The following ACAN variants were observed in gnomAD, a reference collection of about 807,000 sequenced individuals.
ACAN encodes aggrecan.
Under a neutral mutation model 169.1 loss-of-function variants are expected in ACAN, and 47 were observed. The observed-to-expected ratio is 0.28, with a 90% CI of 0.22 to 0.35. ACAN has a LOEUF of 0.35. Ranked by LOEUF, ACAN falls within the 10% of genes least tolerant of loss-of-function variation. The pLI is 1.00. For missense variants in ACAN, 2,716 were observed against 2,759.9 expected (o/e 0.98, Z 0.36); for synonymous variants, 1,115 against 1,112.2 (o/e 1.00, Z -0.05).
At chr15:88,854,653 ACTTC>A (rs1053447261) in intron 11 of ACAN, among the ~76,000 whole-genome samples, 195 bp from the exon 12 acceptor site, 2 of 151,148 alleles carry the variant, frequency 1.3e-5, no homozygotes, top group Non-Finnish European at 3.0e-5. Flanking sequence ...TTCTCCCTAT[ACTTC>A]CTTCCTTCCT....
In ACAN at chr15:88,843,181, A is replaced by G. The variant is rs1302501380; in HGVS notation, c.758-174A>G. Among the ~76,000 whole-genome samples the G allele has an allele frequency of 6.6e-6, 1 of 152,200 alleles. No individual in the cohort carries two copies. Among genetic ancestry groups the G allele is most frequent in the Non-Finnish European group, 1.5e-5 (1 of 68,038 alleles). ...TAGGAAATTGATGTCATCCTACACA[A>G]AAGCCCAGAAATAAGCAATGAAGGG... On this transcript the variant is annotated intron_variant, in intron 5 of 18. Transcript: ENST00000560601. This position sits in a 1 kb window ranked among gnomAD's most constrained non-coding sequence, Gnocchi z 4.0.
chr15:88,847,665 C>G (rs1294252884), intron 8 of ACAN, among the ~76,000 whole-genome samples: 1 of 152,220 alleles, frequency 6.6e-6, no homozygotes, highest in African/African-American at 2.4e-5. Flanking sequence ...TCCCCTCCAG[C>G]CTGACCCAGT....
chr15:88,818,155 G>T (rs1049342328), intron 1 of ACAN, among the ~76,000 whole-genome samples: 6 of 152,212 alleles, frequency 3.9e-5, no homozygotes, highest in Non-Finnish European at 8.8e-5. Flanking sequence ...AGAAAAGATG[G>T]GATAGAAGTT....
chr15:88,854,736 G>C (rs1289172894), intron 11 of ACAN, 116 bp from the exon 12 acceptor site: 1 of 1,194,512 alleles, frequency 8.4e-7, no homozygotes, highest in African/African-American at 1.6e-5. Flanking sequence ...ACGTTGCTGA[G>C]CTCTTGAGAG....
intron 13 of ACAN, among the ~76,000 whole-genome samples, chr15:88,860,993 C>T (rs978759592): frequency 1.3e-5 from 2 of 152,150 alleles, no homozygotes; most frequent in African/African-American, 4.8e-5. Context: ...TCTGCCCAGG[C>T]ACCCACCATG....
At chr15:88,823,689 C>G (rs1262551348) in intron 1 of ACAN, among the ~76,000 whole-genome samples, 1 of 152,164 alleles carries the variant, frequency 6.6e-6, no homozygotes, top group Non-Finnish European at 1.5e-5. Context: ...ACTGGCCTTC[C>G]TTTCCGGTAC....
chr15:88,859,524 C>A, intron 12 of ACAN, 107 bp downstream of exon 12: 1 of 1,468,358 alleles, frequency 6.8e-7, no homozygotes, highest in Non-Finnish European at 9.3e-7. Flanking sequence ...AACAACTCCA[C>A]CAAAGGTTAG....
chr15:88,856,939 C>T lies in ACAN; in HGVS notation c.4354C>T (p.Pro1452Ser), dbSNP rs1199278824. ...APGVEEISGL[P>S]SGEVLETSTS... ...TGGAGTAGAGGAGATCAGCGGGCTT[C>T]CTTCTGGAGAAGTTCTAGAGACTTC... The change falls in exon 12 of 19, where the codon CCT becomes TCT. Residue 1452 changes from proline (P) to serine (S), a missense_variant. Physicochemically the swap from Pro to Ser is moderately conservative, Grantham distance 74. Around this residue, in one of 3 missense-constraint regions of ACAN, gnomAD observed 1,389 missense variants for 1,363.7 expected, o/e 1.02. Coordinates refer to ENST00000560601, the MANE Select transcript of ACAN (RefSeq NM_001369268.1). The T allele has an allele frequency of 3.1e-6, 5 of 1,613,242 alleles. No homozygotes were observed. The highest frequency in any genetic ancestry group is 1.7e-4 in the Middle Eastern group (1 of 5,934).
rs1470018821 is a variant in ACAN at position 88,849,907 on chromosome 15, G to C, written c.2026+176G>C. 1.1e-6 allele frequency: 1 copy of C among 897,456 alleles called. No individual in the cohort carries two copies. The highest frequency in any genetic ancestry group is 1.8e-6 in the Non-Finnish European group (1 of 562,956). The allele number at this position is 897,456 out of a possible 1,614,324, so 55.6% of individuals were successfully genotyped here. A position where few individuals can be genotyped will look rare whatever the true frequency, so the allele number is the denominator to read the frequency against. ...ACGCAGGCTTTGACCCCAAGGCAAGGTCATCCTTCTAAAGTTCCCCAGAGA... is the reference window on the plus strand; with the variant it reads ...ACGCAGGCTTTGACCCCAAGGCAAGCTCATCCTTCTAAAGTTCCCCAGAGA... On this transcript the variant is annotated intron_variant, in intron 10 of 18. Transcript: ENST00000560601. This position sits in a 1 kb window ranked among gnomAD's most constrained non-coding sequence, Gnocchi z 5.1.
intron 9 of ACAN, among the ~76,000 whole-genome samples, chr15:88,848,996 T>A (rs188136660): frequency 2.0e-3 from 309 of 152,090 alleles, no homozygotes; most frequent in Non-Finnish European, 2.6e-3. Flanking sequence ...GTTCCCAGGG[T>A]GTGGGGTGAG....
Position 88,874,475 on chromosome 15 carries a change from C to CCA in ACAN, c.7703_7704dup (p.Ter2569ThrfsTer41), listed in dbSNP as rs1302426886. On this transcript the variant is annotated frameshift_variant, in exon 19 of 19. Transcript: ENST00000560601. LOFTEE classifies it high-confidence loss of function. The surrounding 1 kb of genome is among the most constrained non-coding windows in gnomAD (Gnocchi z 7.3). ...CTCGGAGGAGCCGCCCCAGCACAGC[C>CCA]CACTGAGAAGAGCTTCCAGGACGCA... The CCA allele has an allele frequency of 3.1e-6, 5 of 1,601,232 alleles. No homozygotes were observed. The highest frequency in any genetic ancestry group is 3.4e-5 in the Admixed American group (2 of 58,130).
chr15:88,840,476 C>G (rs1045708847), intron 4 of ACAN, among the ~76,000 whole-genome samples: 15 of 152,290 alleles, frequency 9.8e-5, no homozygotes, highest in African/African-American at 3.6e-4. Flanking sequence ...GATTTCCTCA[C>G]GTTTAAACTT....
intron 1 of ACAN, among the ~76,000 whole-genome samples, chr15:88,824,973 G>A (rs1182270189): frequency 6.6e-6 from 1 of 152,124 alleles, no homozygotes; most frequent in Non-Finnish European, 1.5e-5. Context: ...TCAAGGAAGG[G>A]ACATTTAAAC....
chr15:88,807,425 C>T lies in ACAN; in HGVS notation c.-8+3616C>T, dbSNP rs920231319. The stretch of plus-strand genomic sequence containing the variant: ...CCGCCCTGATAACTTAAAGGAAGCC[C>T]CTTCAATGGGATGAAGGGCCCGTTT... On this transcript the variant is annotated intron_variant, in intron 1 of 18. Transcript: ENST00000560601. The surrounding 1 kb of genome is among the most constrained non-coding windows in gnomAD (Gnocchi z 4.0). Among the ~76,000 whole-genome samples, 3 of 152,168 alleles carry T rather than the reference C, an allele frequency of 2.0e-5. No individual in the cohort carries two copies. Among genetic ancestry groups the T allele is most frequent in the African/African-American group, 4.8e-5 (2 of 41,426 alleles).
chr15:88,812,506 C>T (rs1895845281), intron 1 of ACAN, among the ~76,000 whole-genome samples: 1 of 152,182 alleles, frequency 6.6e-6, no homozygotes, highest in East Asian at 1.9e-4. Flanking sequence ...GGTATCCCCT[C>T]CTCCTCACAT....
chr15:88,849,428 C>T lies in ACAN; in HGVS notation c.1733-10C>T, dbSNP rs755506979. On this transcript the variant is annotated splice_polypyrimidine_tract_variant and intron_variant, in intron 9 of 18. Coordinates refer to ENST00000560601, the MANE Select transcript of ACAN (RefSeq NM_001369268.1). The surrounding 1 kb of genome is among the most constrained non-coding windows in gnomAD (Gnocchi z 5.1). The stretch of plus-strand genomic sequence containing the variant: ...GGGGGTCATATTCTACCCCTTGCCT[C>T]TGCCCCCAGGGGAGGTGTTCTTCGC... 7 of 1,570,636 alleles carry T rather than the reference C, an allele frequency of 4.5e-6. No homozygotes were observed. Among genetic ancestry groups the T allele is most frequent in the Non-Finnish European group, 6.1e-6 (7 of 1,155,090 alleles).
chr15:88,872,801 C>T lies in ACAN; in HGVS notation c.7303-80C>T. On this transcript the variant is annotated intron_variant, in intron 16 of 18. Coordinates refer to ENST00000560601, the MANE Select transcript of ACAN (RefSeq NM_001369268.1). This position sits in a 1 kb window ranked among gnomAD's most constrained non-coding sequence, Gnocchi z 5.4. ...AAAGAGAAAGGAGATGATGAAGAGG[C>T]TCCACGGGGAAGACAGTCGGAGCAG... is the stretch of plus-strand genomic sequence containing the variant. 1 of 1,499,134 alleles carries T rather than the reference C, an allele frequency of 6.7e-7. No homozygotes were observed. The highest frequency in any genetic ancestry group is 9.1e-7 in the Non-Finnish European group (1 of 1,100,970). 92.9% of individuals were successfully genotyped at this position (1,499,134 alleles called of 1,614,324 possible).
At position 88,838,518 on chromosome 15, in the gene ACAN, G is replaced by A. The variant is rs1596130381; in HGVS notation, c.71-145G>A. 2.3e-5 allele frequency: 24 copies of A among 1,044,088 alleles called. No individual in the cohort carries two copies. In the South Asian group the frequency reaches 2.4e-4, roughly 10 times the overall value. The allele number at this position is 1,044,088 out of a possible 1,614,324, so 64.7% of individuals were successfully genotyped here. ...CTTTCTGGGAATTCCCACATGACAC[G>A]GGAGCATCCCCATCATAGAGACAGA... On this transcript the variant is annotated intron_variant, in intron 2 of 18. Coordinates refer to ENST00000560601, the MANE Select transcript of ACAN (RefSeq NM_001369268.1). The surrounding 1 kb of genome is among the most constrained non-coding windows in gnomAD (Gnocchi z 5.1).
intron 1 of ACAN, among the ~76,000 whole-genome samples, chr15:88,832,594 GA>G (rs1896392075): frequency 6.6e-6 from 1 of 152,190 alleles, no homozygotes; most frequent in African/African-American, 2.4e-5. Context: ...TGGATGACTA[GA>G]AGGCAAACTA....
Sources: allele counts gnomAD v4.1 joint callset (sites outside exome capture counted in the v4.1 genomes callset), GRCh38; gene constraint gnomAD v4.1.1; regional missense constraint gnomAD v4.1.1; non-coding constraint Gnocchi (gnomAD v3.1); transcripts MANE v1.5; gene names NCBI Gene and HGNC (gene_info 2026-07-23, HGNC 2026-07-21).